SETDB2: variants seen among roughly 807,000 people sequenced by gnomAD.
SETDB2 encodes the protein histone-lysine N-methyltransferase SETDB2.
Under a neutral mutation model 82.5 loss-of-function variants are expected in SETDB2, and 56 were observed. The ratio of observed to expected loss-of-function variants is 0.68; its 90% CI spans 0.55 to 0.85. The LOEUF (loss-of-function observed/expected upper bound fraction) is 0.85, where lower values mean the gene tolerates loss of function less well. SETDB2 is among the 40% of genes least tolerant of loss of function. SETDB2 has a pLI of 0.00. For synonymous variants in SETDB2, 272 were observed against 284.9 expected (o/e 0.95, Z 0.46); for missense variants, 677 against 816.4 (o/e 0.83, Z 2.08).
intron 5 of SETDB2, among the ~76,000 whole-genome samples, chr13:49,468,226 TA>T (rs748418976): frequency 6.6e-5 from 10 of 152,162 alleles, no homozygotes; most frequent in Non-Finnish European, 1.2e-4. Context: ...ATCTACCAAG[TA>T]GTGTGTTTTT....
chr13:49,450,328 T>C (rs907700274), intron 1 of SETDB2, among the ~76,000 whole-genome samples: 1 of 152,208 alleles, frequency 6.6e-6, no homozygotes, highest in Non-Finnish European at 1.5e-5. Flanking sequence ...CAACTCAGTC[T>C]TCCAGCTTAC....
At chr13:49,460,311 T>C (rs1370681319) in intron 3 of SETDB2, 79 bp downstream of exon 3, 12 of 1,413,398 alleles carry the variant, frequency 8.5e-6, no homozygotes, top group Non-Finnish European at 1.1e-5. Context: ...CTATTTCCAA[T>C]ATTGCTGTTT....
At chr13:49,485,558 A>G (rs1224302432) in intron 10 of SETDB2, 72 bp from the exon 11 acceptor site, 2 of 1,170,134 alleles carry the variant, frequency 1.7e-6, no homozygotes, top group Non-Finnish European at 2.5e-6. Flanking sequence ...TTGACACTTG[A>G]TGAAAGAGGC....
At chr13:49,451,429 G>T (rs1594127399) in intron 1 of SETDB2, 124 bp from the exon 2 acceptor site, 1 of 147,440 alleles carries the variant, frequency 6.8e-6, no homozygotes, top group East Asian at 2.0e-4. Context: ...GGTTCATGCT[G>T]TTTTAAAAGA....
At chr13:49,457,215 C>CTT (rs573356682) in intron 2 of SETDB2, among the ~76,000 whole-genome samples, 31,016 of 80,434 alleles carry the variant, frequency 0.39, 4,906 homozygotes, top group African/African-American at 0.53. Context: ...ATTTCTAAGA[C>CTT]TTTTTTTTTT....
rs112842840 is a variant in SETDB2 at position 49,494,530 on chromosome 13, A to C, written c.*2681A>C. Reference sequence around the variant, plus strand: ...GTGGTAAAGGGCTCTTTGTTTTACTATGACCTACCTGAGCTATCTTGCTGG... The same window carrying C: ...GTGGTAAAGGGCTCTTTGTTTTACTCTGACCTACCTGAGCTATCTTGCTGG... On this transcript the variant is annotated 3_prime_UTR_variant, in exon 14 of 14. Coordinates refer to ENST00000611815, the MANE Select transcript of SETDB2 (RefSeq NM_001160308.3). 1.3e-5 allele frequency: 2 copies of C among 152,170 alleles called. No individual in the cohort carries two copies. The highest frequency in any genetic ancestry group is 4.8e-5 in the African/African-American group (2 of 41,440). 9.4% of individuals were successfully genotyped at this position (152,170 alleles called of 1,614,324 possible).
intron 12 of SETDB2, among the ~76,000 whole-genome samples, chr13:49,489,699 C>T (rs1236918506): frequency 1.4e-5 from 2 of 142,468 alleles, no homozygotes; most frequent in African/African-American, 2.6e-5. Flanking sequence ...TAGGTTCAAG[C>T]GATTCTCCTC....
At chr13:49,458,626 C>T (rs1445271546) in intron 2 of SETDB2, among the ~76,000 whole-genome samples, 1 of 152,194 alleles carries the variant, frequency 6.6e-6, no homozygotes, top group Non-Finnish European at 1.5e-5. Flanking sequence ...ATTACATCTA[C>T]TCTATGGCAT....
intron 4 of SETDB2, among the ~76,000 whole-genome samples, chr13:49,467,173 G>A (rs918116617): frequency 3.3e-5 from 5 of 151,938 alleles, no homozygotes; most frequent in African/African-American, 1.2e-4. Context: ...CCAGGTGCAC[G>A]GATCACTTGA....
chr13:49,466,626 C>G (rs1958119218), intron 4 of SETDB2, among the ~76,000 whole-genome samples: 1 of 152,034 alleles, frequency 6.6e-6, no homozygotes, highest in South Asian at 2.1e-4. Context: ...ACATAGCTCT[C>G]TTCAACTATC....
chr13:49,492,000 GA>G lies in SETDB2; in HGVS notation c.*154del. On this transcript the variant is annotated 3_prime_UTR_variant, in exon 14 of 14. Coordinates refer to ENST00000611815, the MANE Select transcript of SETDB2 (RefSeq NM_001160308.3). ...TTTCAGATTTTATTTGTGTGACTTAGAAATTCCAGGAACACAATTAGGATAT... is the reference window on the plus strand; with the variant it reads ...TTTCAGATTTTATTTGTGTGACTTAGAATTCCAGGAACACAATTAGGATAT... 1.4e-6 allele frequency: 1 copy of G among 709,560 alleles called. No individual in the cohort carries two copies. The highest frequency in any genetic ancestry group is 1.5e-5 in the South Asian group (1 of 68,204). The allele number at this position is 709,560 out of a possible 1,614,324, so 44.0% of individuals were successfully genotyped here.
Position 49,467,850 on chromosome 13 carries a change from A to AT in SETDB2, c.209-7dup, listed in dbSNP as rs754947129. ...ACTTGGTATATTTGTTGCTCACATT[A>AT]TTTTTTTGTGTAGATCCTATGCCTG... On this transcript the variant is annotated splice_polypyrimidine_tract_variant and intron_variant, in intron 4 of 13. Transcript: ENST00000611815. 2.5e-6 allele frequency: 4 copies of AT among 1,587,380 alleles called. No homozygotes were observed. Among genetic ancestry groups the AT allele is most frequent in the African/African-American group, 1.4e-5 (1 of 73,772 alleles).
chr13:49,487,869 A>G (rs945587337), intron 11 of SETDB2, among the ~76,000 whole-genome samples: 33 of 152,334 alleles, frequency 2.2e-4, no homozygotes, highest in African/African-American at 7.7e-4. Context: ...TTTTATTGGC[A>G]GCATAAAGGC....
intron 2 of SETDB2, among the ~76,000 whole-genome samples, chr13:49,454,922 A>G (rs1957853408): frequency 6.6e-6 from 1 of 152,106 alleles, no homozygotes; most frequent in Non-Finnish European, 1.5e-5. Flanking sequence ...TAAAACCGCA[A>G]AGAGCTTTTG....
rs750282463 is a variant in SETDB2, at chr13:49,483,573, G to T, written c.1482+10G>T. On this transcript the variant is annotated intron_variant, in intron 10 of 13. Transcript: ENST00000611815. Reference sequence around the variant, plus strand: ...CAATGGGAAAAAAATGGTAAAAAATGCAAAATGTAGTTGGGACCCTTCTTT... The same window carrying T: ...CAATGGGAAAAAAATGGTAAAAAATTCAAAATGTAGTTGGGACCCTTCTTT... The T allele has an allele frequency of 1.8e-6, 2 of 1,124,802 alleles. No individual in the cohort carries two copies. The highest frequency in any genetic ancestry group is 5.7e-5 in the East Asian group (2 of 35,398). The allele number at this position is 1,124,802 out of a possible 1,614,324, so 69.7% of individuals were successfully genotyped here.
chr13:49,452,869 T>TA (rs1957809334), intron 2 of SETDB2, among the ~76,000 whole-genome samples: 1 of 152,178 alleles, frequency 6.6e-6, no homozygotes, highest in African/African-American at 2.4e-5. Context: ...TCACATCATA[T>TA]CAAGGGTACA....
At chr13:49,486,006 AATTAC>A (rs944433251) in intron 11 of SETDB2, among the ~76,000 whole-genome samples, 4 of 151,978 alleles carry the variant, frequency 2.6e-5, no homozygotes, top group Non-Finnish European at 5.9e-5. Context: ...AATTATATGA[AATTAC>A]AATTTTAGTG....
chr13:49,490,634 A>G (rs1958693819), intron 12 of SETDB2, among the ~76,000 whole-genome samples, 188 bp from the exon 13 acceptor site: 2 of 152,260 alleles, frequency 1.3e-5, no homozygotes, highest in South Asian at 4.1e-4. Context: ...GCAACATAGA[A>G]GAGCGTCAGA....
chr13:49,477,991 A>G (rs748068536), intron 6 of SETDB2, among the ~76,000 whole-genome samples: 1 of 152,262 alleles, frequency 6.6e-6, no homozygotes, highest in Admixed American at 6.5e-5. Flanking sequence ...GTAGGTATAC[A>G]GATGTAGAGT....
Sources: gnomAD v4.1 joint callset for allele counts (sites outside exome capture counted in the v4.1 genomes callset) on GRCh38, gnomAD v4.1.1 for gene constraint, MANE v1.5 for transcripts, NCBI Gene and HGNC (gene_info 2026-07-23, HGNC 2026-07-21) for gene names.